The following NRXN3 variants were observed in gnomAD, a reference collection of about 807,000 sequenced individuals.
The protein encoded by NRXN3 is neurexin III.
In NRXN3, 32 loss-of-function variants were observed where a neutral mutation model predicts 137.6. The ratio of observed to expected loss-of-function variants is 0.23; its 90% confidence interval spans 0.18 to 0.31. The LOEUF is 0.31. NRXN3 is among the 10% of genes least tolerant of loss of function. NRXN3 has a pLI of 1.00. For missense variants in NRXN3, 1,574 were observed against 2,062.5 expected (o/e 0.76, Z 4.59); for synonymous variants, 798 against 784.5 (o/e 1.02, Z -0.29).
intron 15 of NRXN3, among the ~76,000 whole-genome samples, chr14:79,244,755 T>C (rs975450558): frequency 6.6e-6 from 1 of 152,156 alleles, no homozygotes; most frequent in Non-Finnish European, 1.5e-5. Flanking sequence ...TTTTATATAA[T>C]TATTTCAGTT....
At chr14:78,467,106 T>C (rs1032987071) in intron 4 of NRXN3, among the ~76,000 whole-genome samples, 14 of 152,330 alleles carry the variant, frequency 9.2e-5, no homozygotes, top group African/African-American at 3.4e-4. Context: ...TGATGTCTTC[T>C]GTCTCCCTAA....
At chr14:79,372,831 C>T (rs2094150224) in intron 15 of NRXN3, among the ~76,000 whole-genome samples, 1 of 152,142 alleles carries the variant, frequency 6.6e-6, no homozygotes, top group African/African-American at 2.4e-5. Context: ...TCAAAGCATA[C>T]ACTGCTTTTT....
chr14:79,385,073 A>ATTATACT (rs2094568831), intron 15 of NRXN3, among the ~76,000 whole-genome samples: 1 of 151,180 alleles, frequency 6.6e-6, no homozygotes, highest in Non-Finnish European at 1.5e-5. Context: ...CTTTTTTTTT[A>ATTATACT]TTATACTTTA....
chr14:78,252,561 A>T (rs918599859), intron 2 of NRXN3, among the ~76,000 whole-genome samples: 13 of 152,032 alleles, frequency 8.6e-5, no homozygotes, highest in African/African-American at 3.1e-4. Context: ...TCCTCTCCTG[A>T]CACTTTTGCC....
chr14:78,560,187 C>T (rs2096773982), intron 4 of NRXN3, among the ~76,000 whole-genome samples: 2 of 152,142 alleles, frequency 1.3e-5, no homozygotes, highest in Non-Finnish European at 1.5e-5. Flanking sequence ...TGTTTTCCTC[C>T]CTACTTTAAC....
chr14:78,549,713 T>A (rs1372143585), intron 4 of NRXN3, among the ~76,000 whole-genome samples: 1 of 152,170 alleles, frequency 6.6e-6, no homozygotes, highest in East Asian at 1.9e-4. Context: ...TTTTGCCATT[T>A]CTCCTCTAAT....
At chr14:78,283,177 ACACTTACT>A (rs2074653761) in intron 3 of NRXN3, 3 of 152,210 alleles carry the variant, frequency 2.0e-5, no homozygotes, top group Non-Finnish European at 4.4e-5. Context: ...ACGAGAATGA[ACACTTACT>A]GACCACTTAG....
rs189109981 is a variant in NRXN3 at position 79,387,805 on chromosome 14, C to T, written c.3263-79416C>T. 7.9e-5 allele frequency among the ~76,000 whole-genome samples: 12 copies of T among 151,830 alleles called. No homozygotes were observed. The South Asian group carries it at 1.3e-3, about 16-fold the overall frequency. On this transcript the variant is annotated intron_variant, in intron 15 of 20. Transcript: ENST00000335750. ...AAGGATGAGTTCATGTCCTTTGTAG[C>T]GACATGGATGAAGCTGGAAACCATC...
rs759428892 is a variant in NRXN3, at chr14:78,243,574, C to T, written c.481C>T (p.Leu161=). The T allele has an allele frequency of 1.3e-6, 2 of 1,598,430 alleles. No homozygotes were observed. The highest frequency in any genetic ancestry group is 4.5e-5 in the East Asian group (2 of 44,850). Residue 161 remains leucine, a synonymous_variant, in exon 2 of 21, where the codon CTG becomes TTG. Coordinates refer to ENST00000335750, the MANE Select transcript of NRXN3 (RefSeq NM_001330195.2). The surrounding 1 kb of genome is among the most constrained non-coding windows in gnomAD (Gnocchi z 4.2). ...CCCTACTGACATACGACCTTCTGCCCTGACCCTTGATGGAGTTCAGGCCAT... is the reference window on the plus strand; with the variant it reads ...CCCTACTGACATACGACCTTCTGCCTTGACCCTTGATGGAGTTCAGGCCAT... The part of the protein sequence containing the change: ...GVPTDIRPSA[L]TLDGVQAMPG...
At chr14:78,889,344 G>A (rs56245306) in intron 10 of NRXN3, among the ~76,000 whole-genome samples, 6,651 of 151,942 alleles carry the variant, frequency 0.044, 278 homozygotes, top group African/African-American at 0.11. Context: ...CTATTGACCT[G>A]CTGAGTGCAG....
chr14:79,520,897 C>G (rs2153702633), intron 16 of NRXN3, among the ~76,000 whole-genome samples: 1 of 152,254 alleles, frequency 6.6e-6, no homozygotes, highest in Non-Finnish European at 1.5e-5. Context: ...TACCATTTGA[C>G]CCAGCAATGC....
chr14:79,671,617 G>A (rs1239918668), intron 17 of NRXN3, among the ~76,000 whole-genome samples: 1 of 152,010 alleles, frequency 6.6e-6, no homozygotes, highest in African/African-American at 2.4e-5. Flanking sequence ...CTTGGGGAGT[G>A]ACAGAGTGGC....
chr14:79,711,630 A>G (rs922928169), intron 19 of NRXN3, among the ~76,000 whole-genome samples: 5 of 152,188 alleles, frequency 3.3e-5, no homozygotes, highest in Non-Finnish European at 4.4e-5. Flanking sequence ...ACAGCCACAC[A>G]ATTTAAAACC....
At chr14:79,196,347 A>G (rs1419780748) in intron 15 of NRXN3, among the ~76,000 whole-genome samples, 1 of 152,198 alleles carries the variant, frequency 6.6e-6, no homozygotes, top group African/African-American at 2.4e-5. Flanking sequence ...CATGAAACTG[A>G]CATCTGACAT....
chr14:78,827,179 T>C (rs1397196749), intron 10 of NRXN3, among the ~76,000 whole-genome samples: 1 of 151,950 alleles, frequency 6.6e-6, no homozygotes, highest in Non-Finnish European at 1.5e-5. Flanking sequence ...TCATTTCTGT[T>C]GCTGATCATC....
intron 14 of NRXN3, among the ~76,000 whole-genome samples, chr14:78,987,279 C>T (rs537730274): frequency 6.6e-5 from 10 of 152,208 alleles, no homozygotes; most frequent in East Asian, 1.9e-4. Flanking sequence ...CCACAGCATG[C>T]GTTTTAGAGT....
At chr14:79,356,407 C>A (rs959002792) in intron 15 of NRXN3, among the ~76,000 whole-genome samples, 1 of 152,134 alleles carries the variant, frequency 6.6e-6, no homozygotes, top group Non-Finnish European at 1.5e-5. Context: ...TCCTGGAATG[C>A]ACAACTTTCT....
intron 4 of NRXN3, among the ~76,000 whole-genome samples, chr14:78,627,749 T>C (rs1174353134): frequency 6.6e-6 from 1 of 152,242 alleles, no homozygotes; most frequent in South Asian, 2.1e-4. Flanking sequence ...GAAACTATAC[T>C]AGCCTTGTAA....
intron 10 of NRXN3, among the ~76,000 whole-genome samples, chr14:78,814,078 A>C (rs1596128235): frequency 6.6e-6 from 1 of 152,190 alleles, no homozygotes; most frequent in Non-Finnish European, 1.5e-5. Context: ...TCCTCCAAGA[A>C]TACCACACCA....
Sources: allele counts gnomAD v4.1 joint callset (sites outside exome capture counted in the v4.1 genomes callset), GRCh38; gene constraint gnomAD v4.1.1; non-coding constraint Gnocchi (gnomAD v3.1); transcripts MANE v1.5; gene names NCBI Gene and HGNC (gene_info 2026-07-23, HGNC 2026-07-21).